SRD5A2: variants seen among roughly 807,000 people sequenced by gnomAD.
SRD5A2 encodes the protein 3-oxo-5-alpha-steroid 4-dehydrogenase 2.
Under a neutral mutation model 27.4 loss-of-function variants are expected in SRD5A2, and 30 were observed. The ratio of observed to expected loss-of-function variants is 1.10; its 90% CI spans 0.82 to 1.49. The LOEUF (loss-of-function observed/expected upper bound fraction) is 1.49, where lower values mean the gene tolerates loss of function less well. Ranked by LOEUF, SRD5A2 falls within the 40% of genes most tolerant of loss-of-function variation. SRD5A2 has a pLI of 0.00. For missense variants in SRD5A2, 348 were observed against 323.4 expected, an observed-to-expected ratio of 1.08 and a Z score of -0.58; for synonymous variants, 141 against 133.6, an observed-to-expected ratio of 1.06 and a Z score of -0.38.
At chr2:31,620,944 T>C in the SRD5A2 span, among the ~76,000 whole-genome samples, 1 of 147,064 alleles carries the variant, frequency 6.8e-6, no homozygotes, top group Non-Finnish European at 1.5e-5. Context: ...AATTATATTT[T>C]ATGTAAATAT....
the SRD5A2 span, among the ~76,000 whole-genome samples, chr2:31,635,443 T>C: frequency 1.3e-5 from 2 of 152,248 alleles, no homozygotes; most frequent in East Asian, 1.9e-4. Context: ...TATATTCTTG[T>C]TATTAATCCC....
intron 3 of SRD5A2, 71 bp from the exon 4 acceptor site, chr2:31,529,528 T>C (rs1572629296): frequency 1.9e-6 from 3 of 1,560,264 alleles, no homozygotes; most frequent in Non-Finnish European, 2.6e-6. Flanking sequence ...ATCTGTGTTG[T>C]TCCAAAATAC....
In SRD5A2 at chr2:31,558,628, A is replaced by G. The variant is rs559123608; in HGVS notation, c.281+21992T>C. On this transcript the variant is annotated intron_variant, in intron 1 of 4. Transcript: ENST00000622030. ...ACTAGTCACATTGGATTTAGAACCT[A>G]CCTAATCCAGTATGACCTCATCTTA... Among the ~76,000 whole-genome samples, 5 of 152,256 alleles carry G rather than the reference A, an allele frequency of 3.3e-5. No individual in the cohort carries two copies. The East Asian group carries it at 9.6e-4, about 29-fold the overall frequency.
the SRD5A2 span, among the ~76,000 whole-genome samples, chr2:31,643,909 G>T: frequency 6.6e-6 from 1 of 152,124 alleles, no homozygotes; most frequent in South Asian, 2.1e-4. Context: ...ATTATAGAAG[G>T]ATAGAATTAG....
intron 1 of SRD5A2, among the ~76,000 whole-genome samples, chr2:31,576,246 A>T (rs1369336211): frequency 1.1e-5 from 1 of 93,280 alleles, no homozygotes; most frequent in Non-Finnish European, 2.2e-5. Flanking sequence ...CAACCTACTC[A>T]TCTGACAAAG....
intron 1 of SRD5A2, among the ~76,000 whole-genome samples, chr2:31,534,609 CAT>C (rs1435374538): frequency 2.6e-5 from 4 of 152,334 alleles, no homozygotes; most frequent in African/African-American, 9.6e-5. Context: ...AACACACACA[CAT>C]ATGCATGCAC....
At chr2:31,627,131 C>G in the SRD5A2 span, among the ~76,000 whole-genome samples, 3 of 152,182 alleles carry the variant, frequency 2.0e-5, no homozygotes, top group South Asian at 6.2e-4. Context: ...TCTAGATTTT[C>G]TAGTTTATTT....
the SRD5A2 span, among the ~76,000 whole-genome samples, chr2:31,599,285 T>G: frequency 6.6e-6 from 1 of 151,800 alleles, no homozygotes; most frequent in African/African-American, 2.4e-5. Flanking sequence ...AATGTCAGAC[T>G]TAATCTACAC....
chr2:31,649,407 C>G, the SRD5A2 span, among the ~76,000 whole-genome samples: 5 of 152,108 alleles, frequency 3.3e-5, no homozygotes, highest in Non-Finnish European at 5.9e-5. Context: ...CTTGTATATT[C>G]AAATACAGCC....
chr2:31,545,307 A>C (rs779678560), intron 1 of SRD5A2, among the ~76,000 whole-genome samples: 12 of 152,098 alleles, frequency 7.9e-5, no homozygotes, highest in Admixed American at 4.6e-4. Context: ...ATTTTTTATG[A>C]ACATCAAAGC....
At chr2:31,654,354 A>G in the SRD5A2 span, among the ~76,000 whole-genome samples, 6 of 152,156 alleles carry the variant, frequency 3.9e-5, no homozygotes, top group African/African-American at 1.4e-4. Context: ...TGCATCCTTT[A>G]TTTACAACAA....
chr2:31,552,963 T>C (rs1321874780), intron 1 of SRD5A2, among the ~76,000 whole-genome samples: 2 of 151,484 alleles, frequency 1.3e-5, no homozygotes, highest in African/African-American at 2.4e-5. Context: ...TGACAAAGAA[T>C]TCAAAATACT....
chr2:31,591,637 C>T, the SRD5A2 span, among the ~76,000 whole-genome samples: 20 of 151,652 alleles, frequency 1.3e-4, no homozygotes, highest in East Asian at 3.9e-4. Context: ...CACATGCACA[C>T]GTATGTTTAT....
At chr2:31,610,222 G>C in the SRD5A2 span, among the ~76,000 whole-genome samples, 1 of 151,968 alleles carries the variant, frequency 6.6e-6, no homozygotes, top group Non-Finnish European at 1.5e-5. Flanking sequence ...CTACAAGAAA[G>C]AAAACTACAG....
chr2:31,570,325 C>T (rs1666825520), intron 1 of SRD5A2, among the ~76,000 whole-genome samples: 1 of 152,096 alleles, frequency 6.6e-6, no homozygotes, highest in Non-Finnish European at 1.5e-5. Context: ...CAACTAAACA[C>T]CTCATCATGT....
intron 1 of SRD5A2, among the ~76,000 whole-genome samples, chr2:31,566,005 C>A (rs1666720902): frequency 6.6e-6 from 1 of 151,944 alleles, no homozygotes; most frequent in African/African-American, 2.4e-5. Context: ...GTATGTCATA[C>A]AAAGTATGCT....
the SRD5A2 span, among the ~76,000 whole-genome samples, chr2:31,646,100 T>G: frequency 1.3e-5 from 2 of 152,098 alleles, no homozygotes; most frequent in Non-Finnish European, 2.9e-5. Context: ...AACATGACTT[T>G]TCAGTTGATC....
chr2:31,645,691 A>G, the SRD5A2 span, among the ~76,000 whole-genome samples: 3 of 152,354 alleles, frequency 2.0e-5, no homozygotes, highest in South Asian at 6.2e-4. Context: ...AAAGCTTTCA[A>G]CATAATTCTT....
chr2:31,632,340 C>T, the SRD5A2 span, among the ~76,000 whole-genome samples: 3 of 152,154 alleles, frequency 2.0e-5, no homozygotes, highest in Non-Finnish European at 4.4e-5. Context: ...GGATTGCTTC[C>T]AGTGCAGTCT....
Sources: gnomAD v4.1 joint callset for allele counts (sites outside exome capture counted in the v4.1 genomes callset) on GRCh38, gnomAD v4.1.1 for gene constraint, MANE v1.5 for transcripts, NCBI Gene and HGNC (gene_info 2026-07-23, HGNC 2026-07-21) for gene names.